Variants in HLTF observed in about 807,000 individuals in gnomAD.
HLTF encodes the protein helicase like transcription factor.
In HLTF, 127 loss-of-function variants were observed where a neutral mutation model predicts 129.4. The ratio of observed to expected loss-of-function variants is 0.98; its 90% CI spans 0.85 to 1.14. The LOEUF is 1.14. HLTF is among the 50% of genes most tolerant of loss of function. HLTF has a pLI of 0.00. For missense variants in HLTF, 1,139 were observed against 1,187.1 expected, an observed-to-expected ratio of 0.96 and a Z score of 0.60; for synonymous variants, 332 against 388.8, an observed-to-expected ratio of 0.85 and a Z score of 1.72.
At chr3:149,039,550 T>C (rs1715937684) in intron 22 of HLTF, 31 bp downstream of exon 22, 2 of 1,061,550 alleles carry the variant, frequency 1.9e-6, no homozygotes, top group Non-Finnish European at 2.8e-6. Context: ...AAAATCCTTT[T>C]ACTGAAAGTG....
At chr3:149,054,873 C>T (rs1717292428) in intron 14 of HLTF, among the ~76,000 whole-genome samples, 9 of 152,128 alleles carry the variant, frequency 5.9e-5, no homozygotes, top group Admixed American at 5.9e-4. Context: ...TGAGAAAAAT[C>T]CTTAAAAGAG....
chr3:149,070,570 G>T (rs1180962704), intron 7 of HLTF, among the ~76,000 whole-genome samples: 1 of 151,998 alleles, frequency 6.6e-6, no homozygotes, highest in Non-Finnish European at 1.5e-5. Flanking sequence ...GAGTAGAAAG[G>T]GTTACTGAGA....
intron 23 of HLTF, 66 bp downstream of exon 23, chr3:149,038,983 T>C: frequency 1.1e-6 from 1 of 916,628 alleles, no homozygotes; most frequent in Admixed American, 2.8e-5. Context: ...ATTTACCAAA[T>C]AGTTTTTTGT....
At chr3:149,045,854 A>G (rs1450469511) in intron 18 of HLTF, among the ~76,000 whole-genome samples, 1 of 152,206 alleles carries the variant, frequency 6.6e-6, no homozygotes, top group Admixed American at 6.5e-5. Context: ...CTTGTCATTT[A>G]AAGTAAGCTT....
chr3:149,046,303 C>A, intron 17 of HLTF, 44 bp from the exon 18 acceptor site: 1 of 1,040,772 alleles, frequency 9.6e-7, no homozygotes, highest in Non-Finnish European at 1.4e-6. Flanking sequence ...TTAATTTCTA[C>A]ATAAATTGAT....
chr3:149,032,798 T>TA (rs1259714568), intron 24 of HLTF, among the ~76,000 whole-genome samples: 1 of 151,608 alleles, frequency 6.6e-6, no homozygotes, highest in Non-Finnish European at 1.5e-5. Flanking sequence ...CCATCTCTAC[T>TA]AAAAAATAGA....
In HLTF at chr3:149,041,657, G is replaced by C; in HGVS notation, c.2209C>G (p.Pro737Ala). 6.2e-7 allele frequency: 1 copy of C among 1,608,196 alleles called. No individual in the cohort carries two copies. Among genetic ancestry groups the C allele is most frequent in the South Asian group, 1.1e-5 (1 of 90,664 alleles). Residue 737 changes from proline to alanine, a missense_variant, in exon 20 of 25, where the codon CCT (proline) becomes GCT (alanine). Pro to Ala is a conservative substitution (Grantham distance 27). Transcript: ENST00000310053. ...ATTAACTTCTTTCTCAGTTCTTCAG[G>C]TGTATCATTTCCTAGAGAAAAGGCT... ...SSNGPSGNDT[P>A]EELRKKLIRK...
In HLTF at chr3:149,068,285, G is replaced by T; in HGVS notation, c.945C>A (p.Gly315=). Reference sequence around the variant, plus strand: ...TAACTCTTTCAATAGGAAGAGGTCTGCCATCATGGAAGTTGGTAAGGATTA... The same window carrying T: ...TAACTCTTTCAATAGGAAGAGGTCTTCCATCATGGAAGTTGGTAAGGATTA... ...IAVILTNFHD[G]RPLPIERVKK... is the part of the protein sequence containing the mutation. Residue 315 remains glycine (G), a synonymous_variant, in exon 8 of 25, where the codon GGC becomes GGA. Coordinates refer to ENST00000310053, the MANE Select transcript of HLTF (RefSeq NM_003071.4). The T allele has an allele frequency of 6.3e-7, 1 of 1,575,664 alleles. No individual in the cohort carries two copies. The highest frequency in any genetic ancestry group is 8.7e-7 in the Non-Finnish European group (1 of 1,149,260).
At chr3:149,078,323 A>T (rs1081819) in intron 2 of HLTF, among the ~76,000 whole-genome samples, 45,310 of 151,916 alleles carry the variant, frequency 0.3, 7,488 homozygotes, top group Middle Eastern at 0.45. Flanking sequence ...AAGTGTGAGG[A>T]TCTCTTGAGG....
At chr3:149,055,480 C>T in intron 13 of HLTF, 80 bp from the exon 14 acceptor site, 2 of 885,522 alleles carry the variant, frequency 2.3e-6, no homozygotes, top group Non-Finnish European at 3.7e-6. Context: ...CAATAATGTG[C>T]CTCCATGAAA....
rs1491362670 is a variant in HLTF, at chr3:149,032,354, CAG to C, written c.2894_2895del (p.Ser965CysfsTer2). On this transcript the variant is annotated frameshift_variant, in exon 25 of 25. Transcript: ENST00000310053. LOFTEE classifies it high-confidence loss of function. The stretch of plus-strand genomic sequence containing the variant: ...TGTATTTTCAGCATATTTTCTTCAA[CAG>C]AGTCCTTTACAATGAACTTTAAAAA... ...VIITKFIVKD[S>X]VEENMLKIQN... 1.9e-6 allele frequency: 3 copies of C among 1,560,632 alleles called. No homozygotes were observed. The highest frequency in any genetic ancestry group is 2.8e-5 in the African/African-American group (2 of 71,970).
At chr3:149,058,594 T>G (rs941867070) in intron 13 of HLTF, among the ~76,000 whole-genome samples, 2 of 152,222 alleles carry the variant, frequency 1.3e-5, no homozygotes, top group African/African-American at 4.8e-5. Context: ...TTTTTTACTT[T>G]GTTTATGGCA....
At chr3:149,058,110 G>A (rs977172406) in intron 13 of HLTF, among the ~76,000 whole-genome samples, 23 of 152,030 alleles carry the variant, frequency 1.5e-4, no homozygotes, top group Non-Finnish European at 4.4e-5. Context: ...TTTATTTTAT[G>A]TTTTTGAGAC....
chr3:149,055,133 TTTC>T (rs1354152675), intron 14 of HLTF, among the ~76,000 whole-genome samples, 167 bp downstream of exon 14: 1 of 152,174 alleles, frequency 6.6e-6, no homozygotes, highest in Non-Finnish European at 1.5e-5. Context: ...CAAAGAAAAA[TTTC>T]TTCAATTCAG....
chr3:149,041,411 C>A (rs1016401822), intron 20 of HLTF, 79 bp downstream of exon 20: 5 of 878,484 alleles, frequency 5.7e-6, no homozygotes, highest in Non-Finnish European at 6.5e-6. Flanking sequence ...TGCAAAACTC[C>A]ATATACTATC....
chr3:149,049,890 G>C (rs1392239504), intron 15 of HLTF, among the ~76,000 whole-genome samples: 1 of 152,120 alleles, frequency 6.6e-6, no homozygotes, highest in East Asian at 1.9e-4. Context: ...TACTTGGGAG[G>C]CTGAGGCAGG....
At chr3:149,045,204 A>G (rs1240694777) in intron 18 of HLTF, among the ~76,000 whole-genome samples, 1 of 152,100 alleles carries the variant, frequency 6.6e-6, no homozygotes, top group African/African-American at 2.4e-5. Flanking sequence ...GGGAGCATCT[A>G]CACTTGCTCT....
intron 13 of HLTF, among the ~76,000 whole-genome samples, chr3:149,058,102 T>C (rs1717624901): frequency 6.6e-6 from 1 of 152,144 alleles, no homozygotes; most frequent in Non-Finnish European, 1.5e-5. Context: ...CCTATTCCTT[T>C]ATTTTATGTT....
chr3:149,054,804 C>A (rs766168322), intron 14 of HLTF, among the ~76,000 whole-genome samples: 1 of 152,114 alleles, frequency 6.6e-6, no homozygotes, highest in South Asian at 2.1e-4. Flanking sequence ...GGCAACTTAA[C>A]CTCTCTGTGT....
Sources: gnomAD v4.1 joint callset for allele counts (sites outside exome capture counted in the v4.1 genomes callset) on GRCh38, gnomAD v4.1.1 for gene constraint, MANE v1.5 for transcripts, NCBI Gene and HGNC (gene_info 2026-07-23, HGNC 2026-07-21) for gene names.